The following RAB3B variants were observed in gnomAD, a reference collection of about 807,000 sequenced individuals.
RAB3B encodes ras-related protein Rab-3B.
RAB3B carries 11 observed loss-of-function variants against 20.5 expected under a neutral mutation model. The ratio of observed to expected loss-of-function variants is 0.54; its 90% CI spans 0.34 to 0.89. The LOEUF is 0.89. RAB3B is among the 40% of genes least tolerant of loss of function. The pLI, the probability that RAB3B is intolerant of heterozygous loss-of-function variation, is 0.02. For missense variants in RAB3B, 225 were observed against 280.9 expected (o/e 0.80, Z 1.42); for synonymous variants, 99 against 106.3 (o/e 0.93, Z 0.42).
chr1:51,928,865 T>C (rs1213313248), intron 4 of RAB3B, among the ~76,000 whole-genome samples: 1 of 152,224 alleles, frequency 6.6e-6, no homozygotes, highest in African/African-American at 2.4e-5. Flanking sequence ...GCTAGCCTTT[T>C]CTCATCCTTT....
chr1:51,921,052 C>T lies in RAB3B; in HGVS notation c.473-938G>A, dbSNP rs1684165835. ...TGTGATGAAAAGAACTTGGTTGTCCCAAGAGACACAGCAAAGGCCCTCCTG... is the reference window on the plus strand; with the variant it reads ...TGTGATGAAAAGAACTTGGTTGTCCTAAGAGACACAGCAAAGGCCCTCCTG... On this transcript the variant is annotated intron_variant, in intron 4 of 4. Transcript: ENST00000371655. Among the ~76,000 whole-genome samples the T allele has an allele frequency of 3.3e-5, 5 of 152,126 alleles. No individual in the cohort carries two copies. In the South Asian group the frequency reaches 1.0e-3, roughly 32 times the overall value.
chr1:51,947,503 C>T (rs1370284705), intron 2 of RAB3B, among the ~76,000 whole-genome samples: 1 of 152,178 alleles, frequency 6.6e-6, no homozygotes, highest in Admixed American at 6.5e-5. Flanking sequence ...CCCCCAAGAT[C>T]CTCTGCAGCC....
At chr1:51,921,315 TATC>T (rs1684168949) in intron 4 of RAB3B, among the ~76,000 whole-genome samples, 1 of 152,216 alleles carries the variant, frequency 6.6e-6, no homozygotes, top group African/African-American at 2.4e-5. Context: ...GCTTTACTGA[TATC>T]ATCTTCTTTA....
chr1:51,913,324 TG>T lies in RAB3B; in HGVS notation c.*6602del, dbSNP rs1684032208. On this transcript the variant is annotated 3_prime_UTR_variant, in exon 5 of 5. Transcript: ENST00000371655. ...CCTATACAGTTTTGCCACTTGTCTT[TG>T]GTGATATCATCGGAGCCATGTTTTA... 1 of 152,204 alleles carries T rather than the reference TG, an allele frequency of 6.6e-6. No individual in the cohort carries two copies. The highest frequency in any genetic ancestry group is 6.5e-5 in the Admixed American group (1 of 15,278). The allele number at this position is 152,204 out of a possible 1,614,324, so 9.4% of individuals were successfully genotyped here.
chr1:51,976,527 C>A (rs1244658947), intron 2 of RAB3B, among the ~76,000 whole-genome samples: 2 of 152,138 alleles, frequency 1.3e-5, no homozygotes, highest in African/African-American at 4.8e-5. Context: ...CTATTACAAT[C>A]CCCAAAGGAG....
At chr1:51,986,822 G>C in intron 1 of RAB3B, among the ~76,000 whole-genome samples, 1 of 152,206 alleles carries the variant, frequency 6.6e-6, no homozygotes, top group East Asian at 1.9e-4. Context: ...CTTCTTAGGA[G>C]GGGGCGGCCA....
intron 2 of RAB3B, among the ~76,000 whole-genome samples, chr1:51,948,891 A>G (rs1227771788): frequency 6.6e-6 from 1 of 152,250 alleles, no homozygotes; most frequent in Non-Finnish European, 1.5e-5. Context: ...TGCATGCCAC[A>G]GCACCTGGAA....
chr1:51,956,937 C>T (rs943058750), intron 2 of RAB3B, among the ~76,000 whole-genome samples: 21 of 152,356 alleles, frequency 1.4e-4, no homozygotes, highest in East Asian at 1.3e-3. Context: ...GAAAGTCAAA[C>T]TTCACAGCCT....
At chr1:51,983,617 G>A (rs893587586) in intron 1 of RAB3B, among the ~76,000 whole-genome samples, 1 of 152,070 alleles carries the variant, frequency 6.6e-6, no homozygotes, top group African/African-American at 2.4e-5. Flanking sequence ...ATGCAAGACT[G>A]TACTTAAATA....
At chr1:51,931,293 A>G (rs978979372) in intron 4 of RAB3B, among the ~76,000 whole-genome samples, 2 of 152,154 alleles carry the variant, frequency 1.3e-5, no homozygotes, top group Admixed American at 6.5e-5. Context: ...CTTATCTTCA[A>G]GACTCCACTT....
At chr1:51,937,546 G>A in intron 2 of RAB3B, 134 bp from the exon 3 acceptor site, 1 of 516,634 alleles carries the variant, frequency 1.9e-6, no homozygotes, top group African/African-American at 2.0e-5. Context: ...TGCCCAGGCT[G>A]GAGTGCCATG....
intron 2 of RAB3B, among the ~76,000 whole-genome samples, chr1:51,954,174 G>A (rs942620309): frequency 1.2e-4 from 18 of 152,184 alleles, no homozygotes; most frequent in Non-Finnish European, 4.4e-5. Flanking sequence ...CCTGACACGT[G>A]GTAAGTGCAA....
At chr1:51,987,327 C>A (rs1035893166) in intron 1 of RAB3B, among the ~76,000 whole-genome samples, 1 of 152,124 alleles carries the variant, frequency 6.6e-6, no homozygotes, top group Non-Finnish European at 1.5e-5. Context: ...AAAGATAAGC[C>A]CTGGCTCTTT....
chr1:51,963,353 T>C (rs1684807425), intron 2 of RAB3B, among the ~76,000 whole-genome samples: 2 of 152,188 alleles, frequency 1.3e-5, no homozygotes, highest in Non-Finnish European at 2.9e-5. Flanking sequence ...CTAAGGTCAA[T>C]CATGACAACA....
intron 2 of RAB3B, among the ~76,000 whole-genome samples, chr1:51,947,111 T>A (rs1222701623): frequency 6.6e-6 from 1 of 152,144 alleles, no homozygotes; most frequent in African/African-American, 2.4e-5. Flanking sequence ...GAATCCAAAT[T>A]CTGGCCAGGC....
intron 2 of RAB3B, among the ~76,000 whole-genome samples, chr1:51,969,516 T>A (rs748028536): frequency 2.6e-5 from 4 of 152,202 alleles, no homozygotes; most frequent in Non-Finnish European, 4.4e-5. Context: ...GGCCTATGAC[T>A]GGGTTTGTGT....
At chr1:51,967,425 A>C (rs1684868080) in intron 2 of RAB3B, among the ~76,000 whole-genome samples, 1 of 151,748 alleles carries the variant, frequency 6.6e-6, no homozygotes, top group Admixed American at 6.6e-5. Context: ...CTTAATCAGC[A>C]GTGTGAACTT....
chr1:51,957,281 A>G (rs1684720022), intron 2 of RAB3B, among the ~76,000 whole-genome samples: 1 of 152,176 alleles, frequency 6.6e-6, no homozygotes, highest in African/African-American at 2.4e-5. Flanking sequence ...TATTCCCTGC[A>G]CTTTGGCACC....
intron 2 of RAB3B, among the ~76,000 whole-genome samples, chr1:51,951,053 T>C (rs74980751): frequency 0.014 from 2,104 of 152,156 alleles, 38 homozygotes; most frequent in African/African-American, 0.047. Flanking sequence ...ATAGACCACA[T>C]TATAGAGCAC....
Sources: allele counts gnomAD v4.1 joint callset (sites outside exome capture counted in the v4.1 genomes callset), GRCh38; gene constraint gnomAD v4.1.1; transcripts MANE v1.5; gene names NCBI Gene and HGNC (gene_info 2026-07-23, HGNC 2026-07-21).